The following VPS35L variants were observed in gnomAD, a reference collection of about 807,000 sequenced individuals.
VPS35L encodes the protein VPS35 endosomal protein-sorting factor-like.
In VPS35L, 83 loss-of-function variants were observed where a neutral mutation model predicts 133.0. The ratio of observed to expected loss-of-function variants is 0.62; its 90% CI spans 0.52 to 0.75. The LOEUF (loss-of-function observed/expected upper bound fraction) is 0.75, where lower values mean the gene tolerates loss of function less well. Among genes scored for constraint, VPS35L ranks in the 30% least tolerant of loss-of-function variants. The pLI, the probability that VPS35L is intolerant of heterozygous loss-of-function variation, is 0.00. For missense variants in VPS35L, 1,083 were observed against 1,206.8 expected (o/e 0.90, Z 1.52); for synonymous variants, 423 against 449.9 (o/e 0.94, Z 0.76).
chr16:19,608,410 A>G (rs1338173267), intron 10 of VPS35L, 136 bp downstream of exon 10: 1 of 678,898 alleles, frequency 1.5e-6, no homozygotes, highest in East Asian at 2.7e-5. Flanking sequence ...CTAGCCTGAA[A>G]ACACATACAG....
At chr16:19,615,823 C>T (rs1208795011) in intron 12 of VPS35L, among the ~76,000 whole-genome samples, 2 of 151,700 alleles carry the variant, frequency 1.3e-5, no homozygotes, top group Non-Finnish European at 2.9e-5. Flanking sequence ...AAAAATCAGC[C>T]AGGCCTGGTG....
chr16:19,668,926 A>G (rs1191341102), intron 26 of VPS35L, among the ~76,000 whole-genome samples: 1 of 152,210 alleles, frequency 6.6e-6, no homozygotes, highest in Non-Finnish European at 1.5e-5. Flanking sequence ...TGCTTTTTTC[A>G]CTTAATAATC....
chr16:19,604,206 A>G (rs1165774898), intron 9 of VPS35L, among the ~76,000 whole-genome samples: 3 of 151,016 alleles, frequency 2.0e-5, no homozygotes, highest in African/African-American at 7.3e-5. Flanking sequence ...ATTGTTATAT[A>G]CCCAACCTCT....
chr16:19,598,161 T>C (rs1012218462), intron 8 of VPS35L, among the ~76,000 whole-genome samples: 3 of 152,180 alleles, frequency 2.0e-5, no homozygotes, highest in African/African-American at 7.2e-5. Flanking sequence ...AATGGGGCTA[T>C]CGTAGACCCT....
intron 9 of VPS35L, among the ~76,000 whole-genome samples, chr16:19,605,766 C>G (rs1972519776): frequency 6.6e-6 from 1 of 152,150 alleles, no homozygotes; most frequent in Non-Finnish European, 1.5e-5. Flanking sequence ...TATTCCAATA[C>G]CTAGTTTAGT....
chr16:19,692,277 C>T (rs1039011598), intron 29 of VPS35L, among the ~76,000 whole-genome samples: 1 of 152,146 alleles, frequency 6.6e-6, no homozygotes, highest in African/African-American at 2.4e-5. Flanking sequence ...TCATGCAGAG[C>T]CCGGCCTGCG....
At chr16:19,592,894 T>G (rs986341517) in intron 8 of VPS35L, among the ~76,000 whole-genome samples, 1 of 151,830 alleles carries the variant, frequency 6.6e-6, no homozygotes, top group Non-Finnish European at 1.5e-5. Flanking sequence ...CCATGTTGGC[T>G]AGGCTGGTCT....
chr16:19,579,350 T>C (rs1382332405), intron 6 of VPS35L: 11 of 495,404 alleles, frequency 2.2e-5, no homozygotes, highest in Non-Finnish European at 3.3e-5. Context: ...TCTTTTCTCA[T>C]TGTGATGCCT....
intron 23 of VPS35L, among the ~76,000 whole-genome samples, chr16:19,646,526 G>A (rs527700896): frequency 2.6e-5 from 4 of 152,224 alleles, no homozygotes; most frequent in African/African-American, 9.6e-5. Context: ...TTAGCCGGGT[G>A]TTGTGGTGCA....
Position 19,651,984 on chromosome 16 carries a change from T to C in VPS35L, c.2115T>C (p.Val705=). ...TTCTTCCCTTCTCCTAGGCCTGTGTTGCCTACTGCTTCATCACCATCCCCT... is the reference window on the plus strand; with the variant it reads ...TTCTTCCCTTCTCCTAGGCCTGTGTCGCCTACTGCTTCATCACCATCCCCT... ...RKTAAFVRAC[V]AYCFITIPSL... The change falls in exon 26 of 31, where the codon GTT becomes GTC. Residue 705 remains valine, a synonymous_variant. Coordinates refer to ENST00000417362, the MANE Select transcript of VPS35L (RefSeq NM_020314.7). 1 of 1,605,168 alleles carries C rather than the reference T, an allele frequency of 6.2e-7. No homozygotes were observed. Among genetic ancestry groups the C allele is most frequent in the Non-Finnish European group, 8.5e-7 (1 of 1,172,152 alleles).
At chr16:19,628,777 TTTTATTTATTTA>T (rs71375656) in intron 17 of VPS35L, 24 bp downstream of exon 17, 18 of 787,384 alleles carry the variant, frequency 2.3e-5, no homozygotes, top group African/African-American at 2.0e-4. Flanking sequence ...TTATTTTTAT[TTTTATTTATTTA>T]TTTATTTATT....
intron 8 of VPS35L, among the ~76,000 whole-genome samples, chr16:19,594,601 G>A (rs922721945): frequency 1.6e-5 from 2 of 127,238 alleles, no homozygotes; most frequent in Non-Finnish European, 3.1e-5. Flanking sequence ...CTGAGATCGC[G>A]CTGCTGCACT....
intron 5 of VPS35L, among the ~76,000 whole-genome samples, chr16:19,575,919 G>T (rs1212553446): frequency 6.7e-6 from 1 of 149,132 alleles, no homozygotes. Context: ...AGTTTGGGAG[G>T]CCAAGGCGGG....
chr16:19,659,361 G>A (rs1329601565), intron 26 of VPS35L, among the ~76,000 whole-genome samples: 3 of 152,118 alleles, frequency 2.0e-5, no homozygotes, highest in Non-Finnish European at 4.4e-5. Flanking sequence ...GGGAGAGAGT[G>A]CAGGAGCCTT....
intron 1 of VPS35L, among the ~76,000 whole-genome samples, chr16:19,562,729 C>G (rs1971065739): frequency 6.6e-6 from 1 of 152,002 alleles, no homozygotes. Context: ...CTGCCTTCCC[C>G]CCACTCCTGT....
At chr16:19,603,028 G>T (rs1972434656) in intron 9 of VPS35L, among the ~76,000 whole-genome samples, 1 of 151,996 alleles carries the variant, frequency 6.6e-6, no homozygotes, top group Non-Finnish European at 1.5e-5. Context: ...GCCTCCCAAA[G>T]TGCTGGGATT....
At chr16:19,666,728 G>T (rs1974674705) in intron 26 of VPS35L, among the ~76,000 whole-genome samples, 1 of 152,040 alleles carries the variant, frequency 6.6e-6, no homozygotes, top group Admixed American at 6.6e-5. Context: ...CTTTCAAGTT[G>T]CTCTGAGCAG....
rs1973661742 is a variant in VPS35L at position 19,637,608 on chromosome 16, T to C, written c.1650T>C (p.Ile550=). The C allele has an allele frequency of 6.4e-7, 1 of 1,564,130 alleles. No homozygotes were observed. The part of the protein sequence containing the change: ...EDSYPQLQLI[I]KKVIAHFHDF... ...TTGTTTTACAGCTTCAGTTAATAAT[T>C]AAGAAAGTTATTGCCCACTTCCATG... The change falls in exon 20 of 31, where the codon ATT becomes ATC. Residue 550 remains isoleucine (I), a synonymous_variant. Transcript: ENST00000417362.
intron 26 of VPS35L, among the ~76,000 whole-genome samples, chr16:19,668,439 G>C (rs374769802): frequency 4.6e-5 from 7 of 152,112 alleles, no homozygotes; most frequent in African/African-American, 1.7e-4. Context: ...CCCGTCTCCT[G>C]TTGTGCACAC....
Sources: allele counts gnomAD v4.1 joint callset (sites outside exome capture counted in the v4.1 genomes callset), GRCh38; gene constraint gnomAD v4.1.1; transcripts MANE v1.5; gene names NCBI Gene and HGNC (gene_info 2026-07-23, HGNC 2026-07-21).